GPC5: variants seen among roughly 807,000 people sequenced by gnomAD.
The protein encoded by GPC5 is glypican 5, also known as glypican-5.
Under a neutral mutation model 53.9 loss-of-function variants are expected in GPC5, and 47 were observed. The ratio of observed to expected loss-of-function variants is 0.87; its 90% confidence interval spans 0.69 to 1.11. GPC5 has a LOEUF of 1.11. Ranked by LOEUF, GPC5 falls within the 50% of genes most tolerant of loss-of-function variation. The pLI is 0.00. For missense variants in GPC5, 748 were observed against 713.1 expected (o/e 1.05, Z -0.56); for synonymous variants, 286 against 263.3 (o/e 1.09, Z -0.84).
At chr13:92,676,962 T>C (rs1407285721) in intron 7 of GPC5, among the ~76,000 whole-genome samples, 3 of 152,084 alleles carry the variant, frequency 2.0e-5, no homozygotes, top group Non-Finnish European at 2.9e-5. Context: ...TATTTTGATA[T>C]AAGTCCAGGA....
chr13:91,701,619 C>G (rs2035994254), intron 3 of GPC5, among the ~76,000 whole-genome samples: 1 of 151,714 alleles, frequency 6.6e-6, no homozygotes, highest in South Asian at 2.1e-4. Context: ...TAGGTTCTCT[C>G]TACATTATGT....
intron 7 of GPC5, among the ~76,000 whole-genome samples, chr13:92,808,568 T>C (rs1460246185): frequency 6.6e-6 from 1 of 152,084 alleles, no homozygotes; most frequent in Non-Finnish European, 1.5e-5. Flanking sequence ...CAAGTATCTA[T>C]AACACTCAAA....
intron 2 of GPC5, among the ~76,000 whole-genome samples, chr13:91,461,452 G>T (rs115543279): frequency 0.02 from 3,085 of 152,078 alleles, 43 homozygotes; most frequent in African/African-American, 0.031. Context: ...TGCCATCTGG[G>T]CCTCAGTTTT....
At chr13:92,750,768 T>A (rs1311041165) in intron 7 of GPC5, among the ~76,000 whole-genome samples, 1 of 152,140 alleles carries the variant, frequency 6.6e-6, no homozygotes, top group African/African-American at 2.4e-5. Flanking sequence ...TTCAAAACAA[T>A]GCAAAGGCTG....
At chr13:92,067,218 T>C (rs1037637170) in intron 6 of GPC5, among the ~76,000 whole-genome samples, 1 of 152,096 alleles carries the variant, frequency 6.6e-6, no homozygotes, top group African/African-American at 2.4e-5. Context: ...CAGGCATTTG[T>C]TGAGAGTGAA....
In GPC5 at chr13:92,636,863, A is replaced by T. The variant is rs1317975072; in HGVS notation, c.1562-229419A>T. 3.9e-5 allele frequency among the ~76,000 whole-genome samples: 6 copies of T among 152,246 alleles called. No individual in the cohort carries two copies. The South Asian group carries it at 1.0e-3, about 26-fold the overall frequency. On this transcript the variant is annotated intron_variant, in intron 7 of 7. Coordinates refer to ENST00000377067, the MANE Select transcript of GPC5 (RefSeq NM_004466.6). ...ACTTAGTACGTGGAAAACTGAACTC[A>T]TTATCCTTCTTCCATGCTCAACATT...
intron 2 of GPC5, among the ~76,000 whole-genome samples, chr13:91,455,087 T>G (rs74106765): frequency 0.014 from 2,147 of 152,268 alleles, 60 homozygotes; most frequent in African/African-American, 0.05. Flanking sequence ...TTCATTTTTA[T>G]AAATATGTGA....
intron 7 of GPC5, among the ~76,000 whole-genome samples, chr13:92,589,766 G>A (rs918187389): frequency 1.3e-5 from 2 of 152,162 alleles, no homozygotes; most frequent in Non-Finnish European, 2.9e-5. Context: ...GTCCACATAG[G>A]ATTCAGAGTT....
At chr13:91,814,732 G>T (rs1448019383) in intron 5 of GPC5, among the ~76,000 whole-genome samples, 1 of 151,938 alleles carries the variant, frequency 6.6e-6, no homozygotes, top group Non-Finnish European at 1.5e-5. Flanking sequence ...GTAGAGATGG[G>T]TTTTCACCAT....
At chr13:91,909,845 G>A (rs1293930832) in intron 6 of GPC5, among the ~76,000 whole-genome samples, 2 of 152,054 alleles carry the variant, frequency 1.3e-5, no homozygotes, top group African/African-American at 4.8e-5. Context: ...TCCTCTGCCA[G>A]TTCTGGTTTT....
chr13:92,108,886 C>A (rs532718222), intron 6 of GPC5, among the ~76,000 whole-genome samples: 1 of 152,088 alleles, frequency 6.6e-6, no homozygotes, highest in Non-Finnish European at 1.5e-5. Flanking sequence ...TAATAGCCAT[C>A]GTATGTAAAT....
intron 1 of GPC5, among the ~76,000 whole-genome samples, chr13:91,424,323 C>A (rs190979599): frequency 8.8e-6 from 1 of 113,424 alleles, no homozygotes; most frequent in African/African-American, 3.4e-5. Context: ...GGTGGTGGGG[C>A]GGGGTTGGTG....
chr13:92,848,864 G>A (rs1241747332), intron 7 of GPC5, among the ~76,000 whole-genome samples: 5 of 152,122 alleles, frequency 3.3e-5, no homozygotes, highest in Non-Finnish European at 2.9e-5. Context: ...TAGATACTGA[G>A]GAAACAATGA....
chr13:91,658,462 C>G (rs1368855909), intron 2 of GPC5, among the ~76,000 whole-genome samples: 1 of 152,062 alleles, frequency 6.6e-6, no homozygotes. Flanking sequence ...ATTAATAAGG[C>G]CAACTAATTC....
Position 91,736,971 on chromosome 13 carries a change from A to ATTTT in GPC5, c.1154+8308_1154+8311dup, listed in dbSNP as rs201305016. ...TCAGATTATTATTATTATTATTATT[A>ATTTT]TTTTTGATGGTAGTCCCAGCTATTC... On this transcript the variant is annotated intron_variant, in intron 4 of 7. Coordinates refer to ENST00000377067, the MANE Select transcript of GPC5 (RefSeq NM_004466.6). 1.3e-5 allele frequency among the ~76,000 whole-genome samples: 2 copies of ATTTT among 149,386 alleles called. 1 individual carries two copies. Among genetic ancestry groups the ATTTT allele is most frequent in the African/African-American group, 5.1e-5 (2 of 39,222 alleles).
chr13:91,561,530 T>C (rs760997941), intron 2 of GPC5, among the ~76,000 whole-genome samples: 9 of 152,240 alleles, frequency 5.9e-5, no homozygotes, highest in Admixed American at 1.3e-4. Flanking sequence ...ATTTCATCAG[T>C]GGTCACTCGA....
chr13:92,148,879 G>A (rs2041887535), intron 7 of GPC5, among the ~76,000 whole-genome samples: 1 of 152,000 alleles, frequency 6.6e-6, no homozygotes, highest in Non-Finnish European at 1.5e-5. Flanking sequence ...TTCAAATGTT[G>A]AAAAGCAGAA....
chr13:92,015,888 T>C (rs1408068108), intron 6 of GPC5, among the ~76,000 whole-genome samples: 2 of 151,908 alleles, frequency 1.3e-5, no homozygotes, highest in African/African-American at 4.9e-5. Flanking sequence ...TTATTTACTT[T>C]TAAATGCTTA....
At chr13:92,457,573 G>A (rs545018081) in intron 7 of GPC5, among the ~76,000 whole-genome samples, 1 of 152,248 alleles carries the variant, frequency 6.6e-6, no homozygotes, top group African/African-American at 2.4e-5. Flanking sequence ...CACAGGTTTT[G>A]AAGAACTCTA....
Sources: gnomAD v4.1 joint callset for allele counts (sites outside exome capture counted in the v4.1 genomes callset) on GRCh38, gnomAD v4.1.1 for gene constraint, MANE v1.5 for transcripts, NCBI Gene and HGNC (gene_info 2026-07-23, HGNC 2026-07-21) for gene names.